Variants in TLK1 observed in about 807,000 individuals in gnomAD.
The protein encoded by TLK1 is serine/threonine-protein kinase tousled-like 1.
A neutral mutation model predicts 105.3 loss-of-function variants in TLK1; 24 were observed. The observed-to-expected ratio is 0.23, with a 90% CI of 0.17 to 0.32. TLK1 has a LOEUF of 0.32. TLK1 is among the 10% of genes least tolerant of loss of function. The pLI, the probability that TLK1 is intolerant of heterozygous loss-of-function variation, is 1.00. For synonymous variants in TLK1, 321 were observed against 310.4 expected (o/e 1.03, Z -0.36); for missense variants, 558 against 910.5 (o/e 0.61, Z 4.98).
At chr2:171,125,540 A>G (rs1351400641) in intron 1 of TLK1, among the ~76,000 whole-genome samples, 2 of 152,184 alleles carry the variant, frequency 1.3e-5, no homozygotes, top group Non-Finnish European at 2.9e-5. Flanking sequence ...CCGTCAAGCA[A>G]TAATGGCAGC....
intron 2 of TLK1, among the ~76,000 whole-genome samples, chr2:171,100,170 G>C (rs571380994): frequency 3.9e-5 from 6 of 152,252 alleles, no homozygotes; most frequent in African/African-American, 1.4e-4. Flanking sequence ...TCAGTCATTA[G>C]GGAAATACAT....
Position 170,993,696 on chromosome 2 carries a change from AGAAAAC to A in TLK1, c.*78_*83del. ...AAAAAAAAAAAAAAAAAAAAGAAAA[AGAAAAC>A]AAACACTCAAATGCTCTCAAACTTA... On this transcript the variant is annotated 3_prime_UTR_variant, in exon 21 of 21. Transcript: ENST00000431350. The A allele has an allele frequency of 1.8e-6, 2 of 1,119,362 alleles. No individual in the cohort carries two copies. The highest frequency in any genetic ancestry group is 1.2e-6 in the Non-Finnish European group (1 of 833,150). The allele number at this position is 1,119,362 out of a possible 1,614,324, so 69.3% of individuals were successfully genotyped here.
At chr2:171,113,830 T>C (rs1037233817) in intron 2 of TLK1, among the ~76,000 whole-genome samples, 5 of 152,228 alleles carry the variant, frequency 3.3e-5, no homozygotes, top group South Asian at 4.1e-4. Flanking sequence ...AATATCTTTA[T>C]GGTCCAGGGA....
chr2:171,148,359 T>C (rs771902824), intron 1 of TLK1, among the ~76,000 whole-genome samples: 5 of 152,056 alleles, frequency 3.3e-5, no homozygotes, highest in Non-Finnish European at 5.9e-5. Flanking sequence ...GTATAGGGAT[T>C]AGAAGTGTGG....
intron 14 of TLK1, among the ~76,000 whole-genome samples, chr2:171,010,636 AAAAAG>A (rs1447856735): frequency 2.0e-5 from 3 of 152,096 alleles, no homozygotes; most frequent in Non-Finnish European, 4.4e-5. Context: ...AAAAAAAAAA[AAAAAG>A]AAAGGCATAA....
intron 4 of TLK1, among the ~76,000 whole-genome samples, chr2:171,058,444 T>G (rs551777473): frequency 7.2e-5 from 11 of 152,112 alleles, no homozygotes; most frequent in Admixed American, 7.2e-4. Flanking sequence ...GAAAAGCAAA[T>G]CAGTAAATAA....
intron 1 of TLK1, among the ~76,000 whole-genome samples, chr2:171,205,975 A>G (rs984160894): frequency 6.6e-6 from 1 of 152,170 alleles, no homozygotes; most frequent in Non-Finnish European, 1.5e-5. Flanking sequence ...TTTTTTTCCA[A>G]TGCAACAACT....
chr2:171,160,665 C>T lies in TLK1; in HGVS notation c.-237G>A. The T allele has an allele frequency of 1.7e-6, 1 of 600,762 alleles. No homozygotes were observed. The allele number at this position is 600,762 out of a possible 1,614,324, so 37.2% of individuals were successfully genotyped here. A position where few individuals can be genotyped will look rare whatever the true frequency, so the allele number is the denominator to read the frequency against. ...AAAGGGGGAGAAGCGAGGGAGCGAGCGGGCGCGCCAGAGGAGAGGAGGAGG... is the reference window on the plus strand; with the variant it reads ...AAAGGGGGAGAAGCGAGGGAGCGAGTGGGCGCGCCAGAGGAGAGGAGGAGG... On this transcript the variant is annotated 5_prime_UTR_variant, in exon 1 of 21. Transcript: ENST00000431350. The surrounding 1 kb of genome is among the most constrained non-coding windows in gnomAD (Gnocchi z 4.4).
intron 3 of TLK1, among the ~76,000 whole-genome samples, chr2:171,080,346 A>T (rs1409522453): frequency 6.6e-6 from 1 of 152,112 alleles, no homozygotes; most frequent in East Asian, 1.9e-4. Context: ...AAACTTTACT[A>T]CTAGGAGTAC....
intron 2 of TLK1, among the ~76,000 whole-genome samples, chr2:171,086,431 G>C (rs1432266379): frequency 6.6e-6 from 1 of 151,992 alleles, no homozygotes; most frequent in African/African-American, 2.4e-5. Flanking sequence ...TTCAAAACCA[G>C]CCTGGCCAAC....
intron 2 of TLK1, among the ~76,000 whole-genome samples, chr2:171,098,729 C>T (rs182363788): frequency 6.6e-6 from 1 of 152,226 alleles, no homozygotes; most frequent in Admixed American, 6.5e-5. Flanking sequence ...CAACAAAATA[C>T]TAGCAAACCA....
At chr2:171,052,432 C>A (rs1330575118) in intron 8 of TLK1, among the ~76,000 whole-genome samples, 5 of 152,018 alleles carry the variant, frequency 3.3e-5, no homozygotes, top group African/African-American at 1.2e-4. Context: ...GTTCTTAGAA[C>A]TGTTTATACT....
intron 2 of TLK1, among the ~76,000 whole-genome samples, chr2:171,113,002 A>G (rs1408099103): frequency 6.6e-6 from 1 of 152,096 alleles, no homozygotes; most frequent in East Asian, 1.9e-4. Context: ...AAAAGACACA[A>G]AAAAAGCTAT....
intron 11 of TLK1, among the ~76,000 whole-genome samples, chr2:171,041,298 C>T (rs1334985814): frequency 6.6e-6 from 1 of 152,212 alleles, no homozygotes; most frequent in Non-Finnish European, 1.5e-5. Flanking sequence ...AATGTAGATA[C>T]TTTCACAAGA....
At chr2:171,202,955 G>T (rs762430977) in intron 1 of TLK1, among the ~76,000 whole-genome samples, 5 of 151,584 alleles carry the variant, frequency 3.3e-5, no homozygotes, top group Non-Finnish European at 7.4e-5. Context: ...ATCTTTTAGG[G>T]TCCATATGTT....
At chr2:171,159,506 A>AT (rs1281890712) in intron 1 of TLK1, 1 of 152,174 alleles carries the variant, frequency 6.6e-6, no homozygotes, top group Admixed American at 6.5e-5. Flanking sequence ...ATTGTAACCG[A>AT]TTTGGTGCGT....
intron 11 of TLK1, among the ~76,000 whole-genome samples, chr2:171,038,836 A>C (rs1686508104): frequency 6.6e-6 from 1 of 152,146 alleles, no homozygotes; most frequent in African/African-American, 2.4e-5. Context: ...CCATTGGTTC[A>C]AGTTTGCCAA....
chr2:171,185,957 C>T (rs1348996668), intron 1 of TLK1, among the ~76,000 whole-genome samples: 1 of 152,174 alleles, frequency 6.6e-6, no homozygotes, highest in African/African-American at 2.4e-5. Flanking sequence ...AATTCACTAA[C>T]TACTAAGTGC....
rs151300135 is a variant in TLK1 at position 171,115,174 on chromosome 2, CT to C, written c.258+2564del. ...TGCTTCATCTTTTAAGAATTTCTTTCTTTTTTTTTTTTTTGAGACTGAGTTT... is the reference window on the plus strand; with the variant it reads ...TGCTTCATCTTTTAAGAATTTCTTTCTTTTTTTTTTTTTGAGACTGAGTTT... On this transcript the variant is annotated intron_variant, in intron 2 of 20. Coordinates refer to ENST00000431350, the MANE Select transcript of TLK1 (RefSeq NM_012290.5). Among the ~76,000 whole-genome samples, 533 of 137,580 alleles carry C rather than the reference CT, an allele frequency of 3.9e-3. 3 individuals are homozygous for C. Among genetic ancestry groups the C allele is most frequent in the African/African-American group, 0.01 (365 of 36,202 alleles). 90.3% of individuals were successfully genotyped at this position (137,580 alleles called of 152,430 possible). A position where few individuals can be genotyped will look rare whatever the true frequency, so the allele number is the denominator to read the frequency against.
Sources: allele counts gnomAD v4.1 joint callset (sites outside exome capture counted in the v4.1 genomes callset), GRCh38; gene constraint gnomAD v4.1.1; non-coding constraint Gnocchi (gnomAD v3.1); transcripts MANE v1.5; gene names NCBI Gene and HGNC (gene_info 2026-07-23, HGNC 2026-07-21).